The following ZDBF2 variants were observed in gnomAD, a reference collection of about 807,000 sequenced individuals.
The protein encoded by ZDBF2 is zinc finger DBF-type containing 2.
Under a neutral mutation model 9.4 loss-of-function variants are expected in ZDBF2, and 6 were observed. The ratio of observed to expected loss-of-function variants is 0.64; its 90% CI spans 0.35 to 1.27. The LOEUF is 1.27. Ranked by LOEUF, ZDBF2 falls within the 50% of genes most tolerant of loss-of-function variation. The pLI is 0.03. For synonymous variants in ZDBF2, 905 were observed against 946.3 expected (o/e 0.96, Z 0.80); for missense variants, 2,697 against 2,766.8 (o/e 0.97, Z 0.57).
At chr2:206,304,598 A>AT in intron 4 of ZDBF2, 119 bp from the exon 5 acceptor site, 1 of 1,274,914 alleles carries the variant, frequency 7.8e-7, no homozygotes, top group Non-Finnish European at 1.1e-6. Flanking sequence ...GACTGCCTGG[A>AT]TTCCTTGTCC....
chr2:206,313,113 A>G lies in ZDBF2; in HGVS notation c.*1520A>G, dbSNP rs1199496374. 1 of 152,204 alleles carries G rather than the reference A, an allele frequency of 6.6e-6. No homozygotes were observed. The highest frequency in any genetic ancestry group is 6.5e-5 in the Admixed American group (1 of 15,278). The allele number at this position is 152,204 out of a possible 1,614,324, so 9.4% of individuals were successfully genotyped here. On this transcript the variant is annotated 3_prime_UTR_variant, in exon 5 of 5. Transcript: ENST00000374423. ...ATTACAACTATATTGTATGACTGCC[A>G]TATTTTATTGAAACTAAGGTCAATG...
At position 206,306,449 on chromosome 2, in the gene ZDBF2, A is replaced by G. The variant is rs1401996631; in HGVS notation, c.1921A>G (p.Arg641Gly). 1.2e-6 allele frequency: 2 copies of G among 1,613,706 alleles called. No individual in the cohort carries two copies. The highest frequency in any genetic ancestry group is 2.7e-5 in the African/African-American group (2 of 74,924). Residue 641 changes from arginine to glycine, a missense_variant, in exon 5 of 5, where the codon AGG becomes GGG. By Grantham distance (125) the Arg-to-Gly change is moderately radical (BLOSUM62 -2). Around this residue, in one of 3 missense-constraint regions of ZDBF2, gnomAD observed 910 missense variants for 973.6 expected, o/e 0.93. Coordinates refer to ENST00000374423, the MANE Select transcript of ZDBF2 (RefSeq NM_020923.3). Reference protein sequence around the residue: ...SLGTVADESQRAVEKINLLKE... With the variant: ...SLGTVADESQGAVEKINLLKE... Reference sequence around the variant, plus strand: ...TGGGACAGTTGCAGATGAATCCCAGAGGGCTGTTGAAAAGATAAATCTTCT... The same window carrying G: ...TGGGACAGTTGCAGATGAATCCCAGGGGGCTGTTGAAAAGATAAATCTTCT...
intron 3 of ZDBF2, among the ~76,000 whole-genome samples, chr2:206,289,647 C>G (rs1400584943): frequency 1.3e-5 from 2 of 152,222 alleles, no homozygotes; most frequent in Non-Finnish European, 2.9e-5. Flanking sequence ...GTTCCACTTG[C>G]AAGATGGTGT....
chr2:206,299,741 C>T (rs1692393918), intron 4 of ZDBF2, among the ~76,000 whole-genome samples: 1 of 151,956 alleles, frequency 6.6e-6, no homozygotes, highest in Non-Finnish European at 1.5e-5. Flanking sequence ...GTACTTTGAC[C>T]TCCCCCCCGC....
Position 206,308,994 on chromosome 2 carries a change from A to T in ZDBF2, c.4466A>T (p.Lys1489Met), listed in dbSNP as rs1692984123. The part of the protein sequence containing the change: ...QKEEHVVMEE[K>M]TDQPSDSEMM... ...GAAGAGCATGTTGTCATGGAAGAAA[A>T]GACCGATCAACCTAGTGATTCAGAA... The change falls in exon 5 of 5, where the codon AAG becomes ATG. Residue 1489 changes from lysine to methionine, a missense_variant. Around this residue, in one of 3 missense-constraint regions of ZDBF2, gnomAD observed 1,783 missense variants for 1,776.5 expected, o/e 1.00. Transcript: ENST00000374423. 6.2e-7 allele frequency: 1 copy of T among 1,613,682 alleles called. No homozygotes were observed. The highest frequency in any genetic ancestry group is 1.3e-5 in the African/African-American group (1 of 74,930).
At chr2:206,295,311 C>T (rs1246394543) in intron 3 of ZDBF2, among the ~76,000 whole-genome samples, 5 of 151,002 alleles carry the variant, frequency 3.3e-5, no homozygotes, top group African/African-American at 9.7e-5. Context: ...GCTGTTTGCT[C>T]ATTATAAAAC....
chr2:206,275,470 T>A (rs1690942171), intron 1 of ZDBF2, among the ~76,000 whole-genome samples: 1 of 152,212 alleles, frequency 6.6e-6, no homozygotes, highest in Admixed American at 6.5e-5. Flanking sequence ...TTTGTGTTAA[T>A]GATTCTTTTA....
At position 206,279,520 on chromosome 2, in the gene ZDBF2, GATTTT is replaced by G. The variant is rs1289667319; in HGVS notation, c.-102-13_-102-9del. ...ACTTATGGGACCTCTTCTAAAAAAT[GATTTT>G]ATTTTAATTTACAGATACTTGCCAG... On this transcript the variant is annotated splice_polypyrimidine_tract_variant and intron_variant, in intron 1 of 4. Transcript: ENST00000374423. 1 of 152,060 alleles carries G rather than the reference GATTTT, an allele frequency of 6.6e-6. No individual in the cohort carries two copies. The highest frequency in any genetic ancestry group is 1.9e-4 in the East Asian group (1 of 5,198). The allele number at this position is 152,060 out of a possible 1,614,324, so 9.4% of individuals were successfully genotyped here. A position where few individuals can be genotyped will look rare whatever the true frequency, so the allele number is the denominator to read the frequency against.
chr2:206,311,777 A>G lies in ZDBF2; in HGVS notation c.*184A>G. On this transcript the variant is annotated 3_prime_UTR_variant, in exon 5 of 5. Transcript: ENST00000374423. Reference sequence around the variant, plus strand: ...TTAGTGTTTAGAGTCCTTTCATTTTAAGATTCAGAAACAGCCTTTGTCCAA... The same window carrying G: ...TTAGTGTTTAGAGTCCTTTCATTTTGAGATTCAGAAACAGCCTTTGTCCAA... 1 of 532,872 alleles carries G rather than the reference A, an allele frequency of 1.9e-6. No individual in the cohort carries two copies. The highest frequency in any genetic ancestry group is 9.5e-5 in the South Asian group (1 of 10,510). 33.0% of individuals were successfully genotyped at this position (532,872 alleles called of 1,614,324 possible).
intron 2 of ZDBF2, among the ~76,000 whole-genome samples, chr2:206,281,502 G>A (rs1370729792): frequency 2.0e-5 from 3 of 152,086 alleles, no homozygotes; most frequent in Admixed American, 6.6e-5. Flanking sequence ...ATTGGTCTTC[G>A]CAAATTGAAT....
At chr2:206,286,812 T>G (rs1691627596) in intron 3 of ZDBF2, among the ~76,000 whole-genome samples, 2 of 152,234 alleles carry the variant, frequency 1.3e-5, no homozygotes, top group African/African-American at 4.8e-5. Context: ...TTTAATCCAT[T>G]TAAATTCAAA....
At chr2:206,283,739 C>A (rs1253410796) in intron 3 of ZDBF2, among the ~76,000 whole-genome samples, 1 of 152,184 alleles carries the variant, frequency 6.6e-6, no homozygotes, top group East Asian at 1.9e-4. Flanking sequence ...TCATGGCACA[C>A]TGTAGCCTCT....
chr2:206,280,387 G>A (rs1181441562), intron 2 of ZDBF2, among the ~76,000 whole-genome samples: 1 of 152,122 alleles, frequency 6.6e-6, no homozygotes, highest in Non-Finnish European at 1.5e-5. Flanking sequence ...GTTTACTTTT[G>A]TCCTTTATTC....
At chr2:206,287,363 G>C (rs1691656074) in intron 3 of ZDBF2, among the ~76,000 whole-genome samples, 1 of 152,174 alleles carries the variant, frequency 6.6e-6, no homozygotes, top group Non-Finnish European at 1.5e-5. Context: ...TTGTTTGGCT[G>C]TTGGAGTAGT....
chr2:206,275,162 G>T, intron 1 of ZDBF2, among the ~76,000 whole-genome samples: 1 of 152,176 alleles, frequency 6.6e-6, no homozygotes. Context: ...GGATCGAGGT[G>T]GCGGGGCGAG....
chr2:206,308,308 A>G lies in ZDBF2; in HGVS notation c.3780A>G (p.Val1260=), dbSNP rs1692933006. The G allele has an allele frequency of 4.3e-6, 7 of 1,613,834 alleles. No homozygotes were observed. The highest frequency in any genetic ancestry group is 5.1e-6 in the Non-Finnish European group (6 of 1,179,866). The part of the protein sequence containing the change: ...LQPVAGQPEE[V]VKEVSLWKEH... ...CAGTGGCTGGCCAACCTGAAGAAGT[A>G]GTTAAGGAGGTCAGTCTTTGGAAAG... The change falls in exon 5 of 5, where the codon GTA becomes GTG. Residue 1260 remains valine (V), a synonymous_variant. Transcript: ENST00000374423.
Position 206,309,899 on chromosome 2 carries a change from T to A in ZDBF2, c.5371T>A (p.Ser1791Thr). Reference sequence around the variant, plus strand: ...AAAGAACCATGATTCCCAGTCAAGCTCTGTTCTCAAGGTTGATTCTGTAAG... The same window carrying A: ...AAAGAACCATGATTCCCAGTCAAGCACTGTTCTCAAGGTTGATTCTGTAAG... ...KEKNHDSQSS[S>T]VLKVDSVRNL... Residue 1791 changes from serine to threonine, a missense_variant, in exon 5 of 5, where the codon TCT becomes ACT. By Grantham distance (58) the Ser-to-Thr change is moderately conservative (BLOSUM62 1). Coordinates refer to ENST00000374423, the MANE Select transcript of ZDBF2 (RefSeq NM_020923.3). The A allele has an allele frequency of 6.2e-7, 1 of 1,613,958 alleles. No individual in the cohort carries two copies.
Position 206,308,595 on chromosome 2 carries a change from A to G in ZDBF2, c.4067A>G (p.Asp1356Gly). ...GAAGAGGAGCATGCCAGTCTGGAAG[A>G]TAAGAGCAGTAATTCTTATAGTCCT... is the stretch of plus-strand genomic sequence containing the variant. ...ILEEEHASLEDKSSNSYSPEE... is the reference protein window; with the variant it reads ...ILEEEHASLEGKSSNSYSPEE... The change falls in exon 5 of 5, where the codon GAT becomes GGT. Residue 1356 changes from aspartate (D) to glycine (G), a missense_variant. By Grantham distance (94) the Asp-to-Gly change is moderately conservative. Coordinates refer to ENST00000374423, the MANE Select transcript of ZDBF2 (RefSeq NM_020923.3). 6.2e-7 allele frequency: 1 copy of G among 1,613,536 alleles called. No individual in the cohort carries two copies. The highest frequency in any genetic ancestry group is 8.5e-7 in the Non-Finnish European group (1 of 1,179,848).
In ZDBF2 at chr2:206,310,275, C is replaced by T. The variant is rs781254711; in HGVS notation, c.5747C>T (p.Pro1916Leu). 1.3e-5 allele frequency: 21 copies of T among 1,613,924 alleles called. No homozygotes were observed. The highest frequency in any genetic ancestry group is 5.0e-5 in the Admixed American group (3 of 60,014). Reference protein sequence around the residue: ...IDDLSVALDKPCHRHPPAERP... With the variant: ...IDDLSVALDKLCHRHPPAERP... ...GACTTGTCAGTGGCCTTAGATAAAC[C>T]ATGCCATCGTCATCCTCCAGCAGAG... Residue 1916 changes from proline to leucine, a missense_variant, in exon 5 of 5, where the codon CCA becomes CTA. By Grantham distance (98) the Pro-to-Leu change is moderately conservative (BLOSUM62 -3). Transcript: ENST00000374423.
Sources: gnomAD v4.1 joint callset for allele counts (sites outside exome capture counted in the v4.1 genomes callset) on GRCh38, gnomAD v4.1.1 for gene constraint, gnomAD v4.1.1 regional missense constraint, MANE v1.5 for transcripts, NCBI Gene and HGNC (gene_info 2026-07-23, HGNC 2026-07-21) for gene names.